IFT46: variants seen among roughly 807,000 people sequenced by gnomAD.
IFT46 encodes intraflagellar transport 46.
A neutral mutation model predicts 39.6 loss-of-function variants in IFT46; 19 were observed. The observed-to-expected ratio is 0.48, with a 90% confidence interval of 0.33 to 0.70. The LOEUF is 0.70. Among genes scored for constraint, IFT46 ranks in the 30% least tolerant of loss-of-function variants. IFT46 has a pLI of 0.01. For synonymous variants in IFT46, 117 were observed against 134.8 expected (o/e 0.87, Z 0.91); for missense variants, 334 against 364.8 (o/e 0.92, Z 0.69).
chr11:118,571,185 T>A (rs1555072314), intron 1 of IFT46, among the ~76,000 whole-genome samples: 1 of 152,262 alleles, frequency 6.6e-6, no homozygotes, highest in East Asian at 1.9e-4. Flanking sequence ...ATCTTTCGTA[T>A]TAATGGAATC....
At chr11:118,549,100 T>C (rs1173994741) in intron 9 of IFT46, among the ~76,000 whole-genome samples, 8 of 151,850 alleles carry the variant, frequency 5.3e-5, no homozygotes, top group African/African-American at 7.3e-5. Flanking sequence ...GGTTTTGCCA[T>C]GTTGGCCAGG....
At chr11:118,554,612 C>T (rs1937765530) in intron 6 of IFT46, 25 bp from the exon 7 acceptor site, 5 of 1,573,844 alleles carry the variant, frequency 3.2e-6, no homozygotes, top group Non-Finnish European at 4.3e-6. Flanking sequence ...GGTAAGAAAG[C>T]AGAAAGGAAA....
intron 3 of IFT46, chr11:118,557,695 T>A: frequency 1.9e-6 from 3 of 1,610,278 alleles, no homozygotes; most frequent in Non-Finnish European, 2.5e-6. Flanking sequence ...ACACATTCTC[T>A]CTCAAGATAA....
chr11:118,571,600 C>T (rs1220327949), intron 1 of IFT46, among the ~76,000 whole-genome samples: 1 of 152,204 alleles, frequency 6.6e-6, no homozygotes, highest in East Asian at 1.9e-4. Context: ...CGTCTCACCA[C>T]GGGTCTGATT....
intron 2 of IFT46, chr11:118,560,103 C>G: frequency 2.1e-6 from 1 of 473,100 alleles, no homozygotes; most frequent in Non-Finnish European, 3.7e-6. Flanking sequence ...TTCAAATTAT[C>G]TGCCATTACA....
At chr11:118,566,230 C>A (rs1337200324), upstream of IFT46, among the ~76,000 whole-genome samples, 5 of 152,136 alleles carry the variant, frequency 3.3e-5, no homozygotes, top group Non-Finnish European at 5.9e-5. Context: ...TGCAGTTGCT[C>A]CCAGATCAGT....
At chr11:118,572,531 C>A (rs567714111) in intron 1 of IFT46, 1 of 1,611,452 alleles carries the variant, frequency 6.2e-7, no homozygotes. Context: ...CGGGCGCGCC[C>A]CACCACCGCC....
chr11:118,561,629 T>C, intron 2 of IFT46: 2 of 433,576 alleles, frequency 4.6e-6, no homozygotes, highest in Non-Finnish European at 8.7e-6. Flanking sequence ...GATAAACATA[T>C]GGACAGAAAA....
exon 1 of IFT46, chr11:118,572,622 G>A (rs751403232): frequency 2.6e-6 from 4 of 1,565,736 alleles, no homozygotes; most frequent in Non-Finnish European, 3.5e-6. Flanking sequence ...CGGGCCTGGG[G>A]CAGGGGCCGG....
intron 2 of IFT46, among the ~76,000 whole-genome samples, chr11:118,562,892 C>T (rs1437870451): frequency 6.6e-6 from 1 of 152,062 alleles, no homozygotes; most frequent in Non-Finnish European, 1.5e-5. Flanking sequence ...GGTGAAACCC[C>T]GTCTCTACTA....
chr11:118,549,027 G>T (rs1230885672), intron 9 of IFT46, among the ~76,000 whole-genome samples: 3 of 151,794 alleles, frequency 2.0e-5, no homozygotes, highest in Non-Finnish European at 2.9e-5. Context: ...CTCCTGAGTA[G>T]CTGGGATTAC....
At position 118,556,980 on chromosome 11, in the gene IFT46, A is replaced by ATCATCG. The variant is rs782784905; in HGVS notation, c.105_110dup (p.Asp40_Asp41dup). The stretch of plus-strand genomic sequence containing the variant: ...CAGTTTCAGATGAATCATCATCATC[A>ATCATCG]TCATCGTCATCCTCATTTTCACTAA... On this transcript the variant is annotated inframe_insertion, in exon 4 of 12. Transcript: ENST00000264021. 1.2e-5 allele frequency: 19 copies of ATCATCG among 1,612,928 alleles called. No homozygotes were observed. The South Asian group carries it at 2.0e-4, about 17-fold the overall frequency.
intron 9 of IFT46, chr11:118,546,210 A>G (rs1484607876): frequency 7.0e-6 from 5 of 716,918 alleles, no homozygotes; most frequent in Admixed American, 2.0e-5. Context: ...GAAGAAATCA[A>G]TCTTGGTGGG....
At chr11:118,560,162 C>T in intron 2 of IFT46, 1 of 291,358 alleles carries the variant, frequency 3.4e-6, no homozygotes, top group Non-Finnish European at 6.3e-6. Flanking sequence ...CCTATAATCC[C>T]AACACTTTGG....
chr11:118,575,746 G>C (rs1235525644), upstream of IFT46, among the ~76,000 whole-genome samples: 5 of 152,182 alleles, frequency 3.3e-5, no homozygotes, highest in Non-Finnish European at 5.9e-5. Context: ...GAAGCATTTA[G>C]AGATTCAAGA....
chr11:118,573,082 G>C (rs1938390926), upstream of IFT46: 1 of 159,114 alleles, frequency 6.3e-6, no homozygotes. Flanking sequence ...TGGAGACACA[G>C]AGCGGAAAGG....
intron 9 of IFT46, among the ~76,000 whole-genome samples, chr11:118,551,030 A>G (rs1555068345): frequency 9.6e-6 from 1 of 104,222 alleles, no homozygotes; most frequent in African/African-American, 3.7e-5. Context: ...GACTGCCTCA[A>G]AAAAAAAAAA....
rs1555066584 is a variant in IFT46 at position 118,544,770 on chromosome 11, T to C, written c.*146A>G. 6 of 636,580 alleles carry C rather than the reference T, an allele frequency of 9.4e-6. No homozygotes were observed. Among genetic ancestry groups the C allele is most frequent in the Admixed American group, 8.1e-5 (3 of 37,242 alleles). 39.4% of individuals were successfully genotyped at this position (636,580 alleles called of 1,614,324 possible). On this transcript the variant is annotated 3_prime_UTR_variant, in exon 12 of 12. Transcript: ENST00000264021. ...CATTAAACAAACATGTTCTGTGCCC[T>C]CTGGCAGAGAGGGCAGCAGGACATG...
At chr11:118,561,105 G>T in intron 2 of IFT46, 1 of 1,522,848 alleles carries the variant, frequency 6.6e-7, no homozygotes, top group South Asian at 1.1e-5. Context: ...GGTCAGCCAG[G>T]TGCCTTTACC....
Sources: allele counts gnomAD v4.1 joint callset (sites outside exome capture counted in the v4.1 genomes callset), GRCh38; gene constraint gnomAD v4.1.1; transcripts MANE v1.5; gene names NCBI Gene and HGNC (gene_info 2026-07-23, HGNC 2026-07-21).